NSUN3: variants seen among roughly 807,000 people sequenced by gnomAD.
NSUN3 encodes tRNA (cytosine(34)-C(5))-methyltransferase, mitochondrial.
A neutral mutation model predicts 36.8 loss-of-function variants in NSUN3; 24 were observed. The observed-to-expected ratio is 0.65, with a 90% CI of 0.47 to 0.92. The LOEUF is 0.92. NSUN3 is among the 40% of genes least tolerant of loss of function. NSUN3 has a pLI of 0.00. For missense variants in NSUN3, 381 were observed against 392.8 expected (o/e 0.97, Z 0.25); for synonymous variants, 146 against 145.2 (o/e 1.01, Z -0.04).
In NSUN3 at chr3:94,093,490, A is replaced by G. The variant is rs568931510; in HGVS notation, c.467-650A>G. ...TATGATCTAGGCAAGATTGCTTATG[A>G]TAAAGATGACCCTGATTGGTAAACT... On this transcript the variant is annotated intron_variant, in intron 3 of 5. Coordinates refer to ENST00000314622, the MANE Select transcript of NSUN3 (RefSeq NM_022072.5). Among the ~76,000 whole-genome samples the G allele has an allele frequency of 4.6e-5, 7 of 152,276 alleles. No individual in the cohort carries two copies. The East Asian group carries it at 1.4e-3, about 29-fold the overall frequency.
intron 5 of NSUN3, among the ~76,000 whole-genome samples, chr3:94,107,192 A>G (rs140408505): frequency 6.6e-6 from 1 of 152,240 alleles, no homozygotes; most frequent in East Asian, 1.9e-4. Context: ...TGGCCTCCCA[A>G]AGTTCTGGGA....
chr3:94,095,240 G>A, intron 5 of NSUN3, 86 bp downstream of exon 5: 3 of 1,327,412 alleles, frequency 2.3e-6, no homozygotes, highest in Non-Finnish European at 3.2e-6. Context: ...CCCAGTGGAG[G>A]GCTTGCTGTG....
intron 3 of NSUN3, among the ~76,000 whole-genome samples, chr3:94,087,387 G>C (rs2077296256): frequency 6.6e-6 from 1 of 152,146 alleles, no homozygotes; most frequent in Admixed American, 6.5e-5. Flanking sequence ...GGCTTTGAAT[G>C]ATTACAAAGC....
intron 5 of NSUN3, among the ~76,000 whole-genome samples, chr3:94,121,495 G>A (rs1044777818): frequency 8.5e-5 from 13 of 152,150 alleles, no homozygotes; most frequent in African/African-American, 3.1e-4. Context: ...TGGGGATTAG[G>A]ATGTGGACAT....
chr3:94,082,398 G>A (rs2077273242), intron 2 of NSUN3, among the ~76,000 whole-genome samples: 1 of 152,132 alleles, frequency 6.6e-6, no homozygotes. Flanking sequence ...GCACACTTAA[G>A]TTTGCGAACC....
At chr3:94,113,229 T>C (rs1173787932) in intron 5 of NSUN3, among the ~76,000 whole-genome samples, 1 of 152,136 alleles carries the variant, frequency 6.6e-6, no homozygotes, top group African/African-American at 2.4e-5. Context: ...CAAGAAGTAG[T>C]TGACATAGCC....
chr3:94,107,988 T>TTTTTC (rs1260178390), intron 5 of NSUN3, among the ~76,000 whole-genome samples: 1 of 150,360 alleles, frequency 6.7e-6, no homozygotes. Flanking sequence ...TTTTTTTTTT[T>TTTTTC]TTTCAGATAA....
chr3:94,104,025 A>G (rs1394571295), intron 5 of NSUN3, among the ~76,000 whole-genome samples: 2 of 152,202 alleles, frequency 1.3e-5, no homozygotes, highest in Non-Finnish European at 2.9e-5. Context: ...GATAGTTCTT[A>G]TTTATGGCAT....
chr3:94,108,447 G>A (rs1320365218), intron 5 of NSUN3, among the ~76,000 whole-genome samples: 4 of 152,088 alleles, frequency 2.6e-5, no homozygotes, highest in Non-Finnish European at 4.4e-5. Context: ...TGCAACCTCC[G>A]CCTTTCAGGT....
At chr3:94,085,856 A>T (rs974958670) in intron 3 of NSUN3, among the ~76,000 whole-genome samples, 1 of 152,150 alleles carries the variant, frequency 6.6e-6, no homozygotes, top group Non-Finnish European at 1.5e-5. Flanking sequence ...TATTTTAAAG[A>T]TCTATTAGGT....
chr3:94,095,907 T>A (rs1465953040), intron 5 of NSUN3, among the ~76,000 whole-genome samples: 1 of 138,282 alleles, frequency 7.2e-6, no homozygotes, highest in South Asian at 2.3e-4. Context: ...CCACCAAGCC[T>A]AGCTAATTTT....
chr3:94,126,117 G>A (rs2077484487), intron 5 of NSUN3, 94 bp from the exon 6 acceptor site: 1 of 989,838 alleles, frequency 1.0e-6, no homozygotes, highest in South Asian at 1.8e-5. Context: ...GTCAGAGTAA[G>A]GTTAGTTTTA....
chr3:94,121,916 G>A (rs1220865393), intron 5 of NSUN3, among the ~76,000 whole-genome samples: 10 of 151,722 alleles, frequency 6.6e-5, no homozygotes, highest in African/African-American at 1.5e-4. Flanking sequence ...AGGCCAAGGC[G>A]GGCGGATCAC....
chr3:94,079,409 G>T, intron 2 of NSUN3, among the ~76,000 whole-genome samples: 1 of 151,992 alleles, frequency 6.6e-6, no homozygotes, highest in East Asian at 1.9e-4. Flanking sequence ...TGTGCCTTGG[G>T]TTTGCTCTTC....
chr3:94,106,710 G>C (rs1182507789), intron 5 of NSUN3, among the ~76,000 whole-genome samples: 1 of 151,968 alleles, frequency 6.6e-6, no homozygotes, highest in East Asian at 1.9e-4. Context: ...CTGTTTGCCA[G>C]CAGAAATAGT....
At chr3:94,122,138 T>G (rs2077465299) in intron 5 of NSUN3, among the ~76,000 whole-genome samples, 2 of 133,762 alleles carry the variant, frequency 1.5e-5, no homozygotes, top group South Asian at 4.9e-4. Context: ...AGAGCAAGAC[T>G]CATCCCCCCA....
chr3:94,096,569 G>A (rs751492087), intron 5 of NSUN3, among the ~76,000 whole-genome samples: 1 of 151,970 alleles, frequency 6.6e-6, no homozygotes, highest in African/African-American at 2.4e-5. Flanking sequence ...TGTGATCCCC[G>A]CTCACTCCAA....
Position 94,128,579 on chromosome 3 carries a change from G to GTT in NSUN3, c.*2090_*2091insTT. The stretch of plus-strand genomic sequence containing the variant: ...CGTGTGTGTGTGTGTGTGTGTGTGT[G>GTT]TGTGTATATATATATATATATATAA... On this transcript the variant is annotated 3_prime_UTR_variant, in exon 6 of 6. Coordinates refer to ENST00000314622, the MANE Select transcript of NSUN3 (RefSeq NM_022072.5). The GTT allele has an allele frequency of 6.8e-6, 1 of 147,386 alleles. No individual in the cohort carries two copies. Among genetic ancestry groups the GTT allele is most frequent in the South Asian group, 2.1e-4 (1 of 4,692 alleles). 9.1% of individuals were successfully genotyped at this position (147,386 alleles called of 1,614,324 possible).
At chr3:94,063,680 C>G (rs1001042793) in intron 1 of NSUN3, 1 of 153,342 alleles carries the variant, frequency 6.5e-6, no homozygotes, top group Non-Finnish European at 1.5e-5. Flanking sequence ...TGCAGCTGCT[C>G]CATCATAGCT....
Sources: gnomAD v4.1 joint callset for allele counts (sites outside exome capture counted in the v4.1 genomes callset) on GRCh38, gnomAD v4.1.1 for gene constraint, MANE v1.5 for transcripts, NCBI Gene and HGNC (gene_info 2026-07-23, HGNC 2026-07-21) for gene names.